GALM: variants seen among roughly 807,000 people sequenced by gnomAD.
The protein encoded by GALM is galactose mutarotase.
In GALM, 43 loss-of-function variants were observed where a neutral mutation model predicts 37.4. That is an observed-to-expected ratio of 1.15 (90% confidence interval 0.90 to 1.48). The LOEUF is 1.48. GALM is among the 40% of genes most tolerant of loss of function. The pLI, the probability that GALM is intolerant of heterozygous loss-of-function variation, is 0.00. For missense variants in GALM, 456 were observed against 419.1 expected, an observed-to-expected ratio of 1.09 and a Z score of -0.77; for synonymous variants, 199 against 170.6, an observed-to-expected ratio of 1.17 and a Z score of -1.30.
At chr2:38,682,120 A>G (rs995037099) in intron 3 of GALM, 7 of 231,260 alleles carry the variant, frequency 3.0e-5, no homozygotes, top group South Asian at 2.2e-4. Flanking sequence ...ACTAAAATCA[A>G]CCCAGCAGAG....
chr2:38,696,781 C>CTTTTTTT (rs34163863), intron 4 of GALM, among the ~76,000 whole-genome samples: 4 of 68,462 alleles, frequency 5.8e-5, no homozygotes, highest in African/African-American at 1.3e-4. Flanking sequence ...CCCAAGAAAG[C>CTTTTTTT]TTTTTTTTTT....
chr2:38,680,895 G>T (rs532662503), intron 2 of GALM, among the ~76,000 whole-genome samples: 8 of 152,276 alleles, frequency 5.3e-5, no homozygotes, highest in African/African-American at 1.9e-4. Context: ...CAGCACCTTG[G>T]GAGGCCGAGG....
intron 4 of GALM, among the ~76,000 whole-genome samples, chr2:38,711,538 G>A (rs973503989): frequency 2.0e-5 from 3 of 151,776 alleles, no homozygotes; most frequent in African/African-American, 7.3e-5. Context: ...CCCATGCTGT[G>A]GATCAGCCAC....
intron 4 of GALM, among the ~76,000 whole-genome samples, chr2:38,714,990 A>AT (rs1216571837): frequency 1.3e-5 from 2 of 151,936 alleles, no homozygotes; most frequent in Non-Finnish European, 1.5e-5. Context: ...CTATAGTTGG[A>AT]TTTTTTTCCT....
At chr2:38,731,984 G>C in intron 6 of GALM, 75 bp downstream of exon 6, 1 of 1,183,118 alleles carries the variant, frequency 8.5e-7, no homozygotes, top group African/African-American at 1.5e-5. Context: ...CACTACACTC[G>C]AATCAGCTTG....
intron 4 of GALM, among the ~76,000 whole-genome samples, chr2:38,722,052 C>CCCCCCA (rs1666391057): frequency 1.6e-5 from 2 of 121,570 alleles, no homozygotes; most frequent in Non-Finnish European, 1.8e-5. Flanking sequence ...CCCCCCCCCC[C>CCCCCCA]ACCTAGAACA....
intron 4 of GALM, among the ~76,000 whole-genome samples, chr2:38,716,977 A>C (rs774636027): frequency 8.5e-5 from 13 of 152,224 alleles, no homozygotes; most frequent in Non-Finnish European, 1.8e-4. Context: ...GGGGCCGGGC[A>C]CAGTGGCTCA....
chr2:38,693,390 G>A (rs1022696671), intron 4 of GALM, among the ~76,000 whole-genome samples: 30 of 151,716 alleles, frequency 2.0e-4, no homozygotes, highest in Non-Finnish European at 7.4e-5. Context: ...GGCTGAGGCA[G>A]GAGAATCGCT....
chr2:38,701,438 AAG>A (rs1236247733), intron 4 of GALM, among the ~76,000 whole-genome samples: 2 of 152,200 alleles, frequency 1.3e-5, no homozygotes, highest in African/African-American at 4.8e-5. Context: ...TTGCCTTTGA[AAG>A]TAGCATTAGT....
At chr2:38,675,702 G>T (rs1665243565) in intron 1 of GALM, among the ~76,000 whole-genome samples, 1 of 151,670 alleles carries the variant, frequency 6.6e-6, no homozygotes, top group African/African-American at 2.4e-5. Flanking sequence ...CCGAGTAGCT[G>T]GGACTACAGG....
Position 38,676,021 on chromosome 2 carries a change from C to A in GALM, c.300C>A (p.Asn100Lys). ...GGAAGGAGTATCACCTGGCCATTAACAAGGAACCCAACAGTCTGCATGGAG... is the reference window on the plus strand; with the variant it reads ...GGAAGGAGTATCACCTGGCCATTAAAAAGGAACCCAACAGTCTGCATGGAG... ...VDGKEYHLAI[N>K]KEPNSLHGGV... The change falls in exon 2 of 7, where the codon AAC becomes AAA. Residue 100 changes from asparagine to lysine, a missense_variant. Physicochemically the swap from Asn to Lys is moderately conservative, Grantham distance 94. Transcript: ENST00000272252. The A allele has an allele frequency of 2.5e-6, 4 of 1,614,082 alleles. No individual in the cohort carries two copies. Among genetic ancestry groups the A allele is most frequent in the African/African-American group, 1.3e-5 (1 of 75,022 alleles).
chr2:38,730,647 G>A (rs545602603), intron 5 of GALM, among the ~76,000 whole-genome samples: 46 of 152,264 alleles, frequency 3.0e-4, no homozygotes, highest in African/African-American at 8.2e-4. Context: ...CGGGCTGGGC[G>A]TGGTGGCTCA....
At chr2:38,696,769 C>T (rs1160597108) in intron 4 of GALM, among the ~76,000 whole-genome samples, 16 of 149,506 alleles carry the variant, frequency 1.1e-4, no homozygotes, top group Admixed American at 2.0e-4. Flanking sequence ...ACCGCACCTA[C>T]CCCCAAGAAA....
chr2:38,731,786 C>T lies in GALM; in HGVS notation c.828C>T (p.Pro276=), dbSNP rs373233987. Residue 276 remains proline (P), a synonymous_variant, in exon 6 of 7, where the codon CCC becomes CCT. Coordinates refer to ENST00000272252, the MANE Select transcript of GALM (RefSeq NM_138801.3). ...GRVLEVYTTQ[P]GVQFYTGNFL... ...TACTAGAAGTATACACCACCCAGCC[C>T]GGGGTCCAGTTTTACACGGGCAACT... 42 of 1,613,886 alleles carry T rather than the reference C, an allele frequency of 2.6e-5. No homozygotes were observed. The highest frequency in any genetic ancestry group is 5.3e-5 in the African/African-American group (4 of 74,878).
chr2:38,707,651 G>A (rs1666057753), intron 4 of GALM, among the ~76,000 whole-genome samples: 1 of 152,134 alleles, frequency 6.6e-6, no homozygotes, highest in Non-Finnish European at 1.5e-5. Context: ...CAGGAATATA[G>A]GCCAATAACT....
At chr2:38,732,606 A>T (rs1347565642) in intron 6 of GALM, among the ~76,000 whole-genome samples, 1 of 152,170 alleles carries the variant, frequency 6.6e-6, no homozygotes, top group Non-Finnish European at 1.5e-5. Flanking sequence ...TACTCCTGAA[A>T]GTGCCAGCCC....
intron 4 of GALM, among the ~76,000 whole-genome samples, chr2:38,708,507 C>A (rs1415371647): frequency 6.6e-5 from 10 of 151,786 alleles, no homozygotes; most frequent in African/African-American, 2.4e-4. Context: ...TTTGGGAGGC[C>A]GAGGCGGGCG....
Position 38,734,250 on chromosome 2 carries a change from G to C in GALM, c.*685G>C, listed in dbSNP as rs924909730. 1 of 155,056 alleles carries C rather than the reference G, an allele frequency of 6.4e-6. No individual in the cohort carries two copies. Among genetic ancestry groups the C allele is most frequent in the African/African-American group, 2.4e-5 (1 of 41,420 alleles). 9.6% of individuals were successfully genotyped at this position (155,056 alleles called of 1,614,324 possible). A position where few individuals can be genotyped will look rare whatever the true frequency, so the allele number is the denominator to read the frequency against. On this transcript the variant is annotated 3_prime_UTR_variant, in exon 7 of 7. Coordinates refer to ENST00000272252, the MANE Select transcript of GALM (RefSeq NM_138801.3). ...CGTCTCTACATAAAAAATTAGCTGG[G>C]TGTGGTAGCACGCACCTGTAGTCCC...
At chr2:38,690,441 G>C (rs1295447501) in intron 4 of GALM, among the ~76,000 whole-genome samples, 1 of 151,936 alleles carries the variant, frequency 6.6e-6, no homozygotes. Context: ...TTTGGGAGGG[G>C]GGCGGTGCGG....
Sources: allele counts gnomAD v4.1 joint callset (sites outside exome capture counted in the v4.1 genomes callset), GRCh38; gene constraint gnomAD v4.1.1; transcripts MANE v1.5; gene names NCBI Gene and HGNC (gene_info 2026-07-23, HGNC 2026-07-21).